Variants in CNTNAP2 observed in about 807,000 individuals in gnomAD.
CNTNAP2 encodes the protein contactin associated protein 2.
In CNTNAP2, 98 loss-of-function variants were observed where a neutral mutation model predicts 155.2. The observed-to-expected ratio is 0.63, with a 90% CI of 0.54 to 0.75. The LOEUF (loss-of-function observed/expected upper bound fraction) is 0.75, where lower values mean the gene tolerates loss of function less well. CNTNAP2 is among the 30% of genes least tolerant of loss of function. CNTNAP2 has a pLI of 0.00. For missense variants in CNTNAP2, 1,727 were observed against 1,688.1 expected (o/e 1.02, Z -0.40); for synonymous variants, 651 against 631.2 (o/e 1.03, Z -0.47).
At position 147,851,106 on chromosome 7, in the gene CNTNAP2, G is replaced by A. The variant is rs570610179; in HGVS notation, c.2099-52459G>A. ...AACAAACAACCCCATCAACAAGTGG[G>A]CGAAGGACATGAACAGACACTTCTC... On this transcript the variant is annotated intron_variant, in intron 13 of 23. Coordinates refer to ENST00000361727, the MANE Select transcript of CNTNAP2 (RefSeq NM_014141.6). Among the ~76,000 whole-genome samples, 14 of 152,316 alleles carry A rather than the reference G, an allele frequency of 9.2e-5. No homozygotes were observed. In the South Asian group the frequency reaches 2.9e-3, roughly 32 times the overall value.
intron 13 of CNTNAP2, among the ~76,000 whole-genome samples, chr7:147,683,270 T>C (rs1326470259): frequency 6.6e-6 from 1 of 151,930 alleles, no homozygotes; most frequent in East Asian, 1.9e-4. Context: ...AATGAAACTT[T>C]GATATATGCA....
intron 4 of CNTNAP2, among the ~76,000 whole-genome samples, chr7:147,069,864 A>G (rs538357546): frequency 6.2e-4 from 95 of 152,352 alleles, no homozygotes; most frequent in Admixed American, 1.4e-3. Flanking sequence ...AAATGTGGCT[A>G]TAGTGGCTGA....
At chr7:147,966,800 A>G (rs2708283) in intron 14 of CNTNAP2, among the ~76,000 whole-genome samples, 55,154 of 152,044 alleles carry the variant, frequency 0.36, 12,096 homozygotes, top group Middle Eastern at 0.63. Flanking sequence ...GAAGCCAGCC[A>G]TGAGCAACCT....
intron 1 of CNTNAP2, among the ~76,000 whole-genome samples, chr7:146,374,662 A>C (rs1795281948): frequency 6.6e-6 from 1 of 152,174 alleles, no homozygotes; most frequent in African/African-American, 2.4e-5. Context: ...GGGATATGGG[A>C]AATTAAATAT....
chr7:148,097,340 TAA>T (rs754030091), intron 15 of CNTNAP2, among the ~76,000 whole-genome samples: 991 of 78,430 alleles, frequency 0.013, 16 homozygotes, highest in Admixed American at 0.053. Flanking sequence ...GTGTCATTTG[TAA>T]AAAAAAAAAA....
chr7:147,649,055 C>A (rs1020263731), intron 13 of CNTNAP2, among the ~76,000 whole-genome samples: 2 of 152,100 alleles, frequency 1.3e-5, no homozygotes, highest in African/African-American at 2.4e-5. Context: ...TACCAAGTGA[C>A]CTTTGGTCAG....
At chr7:148,411,512 C>T (rs546095818) in intron 23 of CNTNAP2, among the ~76,000 whole-genome samples, 2 of 152,060 alleles carry the variant, frequency 1.3e-5, no homozygotes, top group African/African-American at 4.8e-5. Context: ...GTGATCCACT[C>T]GCCTCAGCCT....
At chr7:148,090,913 G>T (rs1585120118) in intron 15 of CNTNAP2, among the ~76,000 whole-genome samples, 1 of 152,090 alleles carries the variant, frequency 6.6e-6, no homozygotes, top group Admixed American at 6.5e-5. Context: ...CAAAAAGAAG[G>T]AAATCCAGCC....
intron 1 of CNTNAP2, among the ~76,000 whole-genome samples, chr7:146,321,227 C>G (rs1026620452): frequency 2.0e-5 from 3 of 152,116 alleles, no homozygotes; most frequent in African/African-American, 7.2e-5. Flanking sequence ...CCCAAGTTAT[C>G]AAGTACTTAA....
At chr7:146,180,275 C>T (rs7788768) in intron 1 of CNTNAP2, among the ~76,000 whole-genome samples, 43,966 of 151,688 alleles carry the variant, frequency 0.29, 7,214 homozygotes, top group African/African-American at 0.44. Context: ...CAGATGTGCC[C>T]GCCTTTCTTT....
chr7:148,382,800 G>A lies in CNTNAP2; in HGVS notation c.3476-849G>A, dbSNP rs148363331. 9.2e-5 allele frequency among the ~76,000 whole-genome samples: 14 copies of A among 152,294 alleles called. No homozygotes were observed. The East Asian group carries it at 2.3e-3, about 25-fold the overall frequency. ...GGTTAAAAGGCTCTGAGGTCAGTCC[G>A]CCTGGCCCACTAGCTAAGGGCTCTT... On this transcript the variant is annotated intron_variant, in intron 21 of 23. Coordinates refer to ENST00000361727, the MANE Select transcript of CNTNAP2 (RefSeq NM_014141.6).
chr7:146,354,361 A>G (rs1267379185), intron 1 of CNTNAP2, among the ~76,000 whole-genome samples: 3 of 151,102 alleles, frequency 2.0e-5, no homozygotes, highest in African/African-American at 7.3e-5. Context: ...CAGTCTAATT[A>G]TTATTGTAGA....
intron 1 of CNTNAP2, among the ~76,000 whole-genome samples, chr7:146,265,999 T>G (rs762456785): frequency 1.3e-5 from 2 of 152,094 alleles, no homozygotes; most frequent in African/African-American, 2.4e-5. Context: ...CAGCCTCGCT[T>G]GCAATTAGCT....
chr7:146,815,420 G>C (rs1803146942), intron 2 of CNTNAP2, among the ~76,000 whole-genome samples: 1 of 152,052 alleles, frequency 6.6e-6, no homozygotes, highest in Non-Finnish European at 1.5e-5. Context: ...GTAAAATATA[G>C]TAATTTGACT....
At chr7:146,532,898 T>C (rs1563122506) in intron 1 of CNTNAP2, among the ~76,000 whole-genome samples, 1 of 151,602 alleles carries the variant, frequency 6.6e-6, no homozygotes, top group African/African-American at 2.4e-5. Context: ...GCCTGACCAA[T>C]GTGCTGAAAC....
chr7:146,930,250 C>T (rs889907834), intron 3 of CNTNAP2, among the ~76,000 whole-genome samples: 17 of 152,184 alleles, frequency 1.1e-4, no homozygotes, highest in African/African-American at 3.9e-4. Flanking sequence ...TCGGCAGAAA[C>T]TCTACAAGCC....
chr7:147,422,211 ATATATATACTG>A (rs1563198711), intron 10 of CNTNAP2, among the ~76,000 whole-genome samples: 1 of 148,164 alleles, frequency 6.7e-6, no homozygotes, highest in Non-Finnish European at 1.5e-5. Flanking sequence ...TATATACACA[ATATATATACTG>A]TATATATAGT....
intron 3 of CNTNAP2, among the ~76,000 whole-genome samples, chr7:147,018,151 C>G (rs1053020050): frequency 1.3e-5 from 2 of 151,880 alleles, no homozygotes; most frequent in Non-Finnish European, 2.9e-5. Context: ...ATCTTTTTAC[C>G]ATAATTTCAG....
At chr7:146,785,806 C>T (rs1300543224) in intron 2 of CNTNAP2, among the ~76,000 whole-genome samples, 1 of 152,182 alleles carries the variant, frequency 6.6e-6, no homozygotes, top group Non-Finnish European at 1.5e-5. Flanking sequence ...AGAACAGAGA[C>T]CATGAGGATA....
Sources: allele counts gnomAD v4.1 joint callset (sites outside exome capture counted in the v4.1 genomes callset), GRCh38; gene constraint gnomAD v4.1.1; transcripts MANE v1.5; gene names NCBI Gene and HGNC (gene_info 2026-07-23, HGNC 2026-07-21).